Variants in CDK14 observed in about 807,000 individuals in gnomAD.
The protein encoded by CDK14 is cyclin-dependent kinase 14.
In CDK14, 34 loss-of-function variants were observed where a neutral mutation model predicts 60.7. The observed-to-expected ratio is 0.56, with a 90% CI of 0.43 to 0.75. CDK14 has a LOEUF of 0.75. Among genes scored for constraint, CDK14 ranks in the 30% least tolerant of loss-of-function variants. CDK14 has a pLI of 0.00. For synonymous variants in CDK14, 197 were observed against 203.7 expected, an observed-to-expected ratio of 0.97 and a Z score of 0.28; for missense variants, 482 against 564.1, an observed-to-expected ratio of 0.85 and a Z score of 1.47.
At chr7:90,906,351 G>A (rs1792700760) in intron 7 of CDK14, among the ~76,000 whole-genome samples, 1 of 152,046 alleles carries the variant, frequency 6.6e-6, no homozygotes, top group African/African-American at 2.4e-5. Context: ...AGGAAAACCA[G>A]GTGAGATAAG....
At chr7:90,813,919 C>T (rs11771453) in intron 5 of CDK14, among the ~76,000 whole-genome samples, 1 of 152,096 alleles carries the variant, frequency 6.6e-6, no homozygotes, top group East Asian at 1.9e-4. Flanking sequence ...GTAAATTATA[C>T]CTCACCTACA....
Position 90,686,115 on chromosome 7 carries a change from A to C in CDK14, c.124-40452A>C, listed in dbSNP as rs116667788. On this transcript the variant is annotated intron_variant, in intron 2 of 14. Coordinates refer to ENST00000380050, the MANE Select transcript of CDK14 (RefSeq NM_001287135.2). ...TTTAAGATGATATTGTAGCTACTTC[A>C]TAAGAATAATGAGATGATCTTTTAA... 7.0e-3 allele frequency among the ~76,000 whole-genome samples: 1,070 copies of C among 152,292 alleles called. 20 individuals are homozygous for C. Among genetic ancestry groups the C allele is most frequent in the African/African-American group, 0.025 (1,027 of 41,574 alleles).
At chr7:91,183,121 T>C (rs1208402720) in intron 14 of CDK14, among the ~76,000 whole-genome samples, 1 of 129,498 alleles carries the variant, frequency 7.7e-6, no homozygotes, top group Non-Finnish European at 1.9e-5. Flanking sequence ...ATCCTTTCTA[T>C]GGCAAGGAAA....
chr7:91,137,793 A>C (rs1295609795), intron 14 of CDK14, among the ~76,000 whole-genome samples: 1 of 152,122 alleles, frequency 6.6e-6, no homozygotes, highest in African/African-American at 2.4e-5. Context: ...GTTTTAGAGT[A>C]AGAGTCTTTT....
chr7:90,952,296 G>T (rs945427140), intron 8 of CDK14, among the ~76,000 whole-genome samples: 5 of 152,108 alleles, frequency 3.3e-5, no homozygotes, highest in African/African-American at 4.8e-5. Flanking sequence ...GTAGAACCAG[G>T]CTCAGGGTAG....
intron 10 of CDK14, among the ~76,000 whole-genome samples, chr7:91,034,096 C>T (rs1796842329): frequency 6.6e-6 from 1 of 152,136 alleles, no homozygotes; most frequent in Non-Finnish European, 1.5e-5. Flanking sequence ...TAGCAGCCAC[C>T]TGCTTGTTGT....
intron 5 of CDK14, among the ~76,000 whole-genome samples, chr7:90,804,488 C>T (rs1285771589): frequency 4.6e-5 from 7 of 152,156 alleles, no homozygotes; most frequent in African/African-American, 1.7e-4. Flanking sequence ...TTATAATTGA[C>T]AGGCAAAAAT....
chr7:90,662,027 G>T (rs1288001873), intron 2 of CDK14, among the ~76,000 whole-genome samples: 1 of 152,130 alleles, frequency 6.6e-6, no homozygotes, highest in East Asian at 1.9e-4. Context: ...TTTCAACAAA[G>T]GAGTAAGAAA....
intron 11 of CDK14, among the ~76,000 whole-genome samples, chr7:91,053,541 G>A (rs1797452702): frequency 6.6e-6 from 1 of 152,098 alleles, no homozygotes; most frequent in African/African-American, 2.4e-5. Context: ...CTAGGTATGG[G>A]CATATTCTTC....
chr7:91,078,005 C>T (rs889241575), intron 11 of CDK14, among the ~76,000 whole-genome samples: 4 of 152,174 alleles, frequency 2.6e-5, no homozygotes, highest in East Asian at 1.9e-4. Flanking sequence ...AAACTGATAA[C>T]AACCAATGCT....
rs147983086 is a variant in CDK14 at position 90,720,838 on chromosome 7, G to T, written c.124-5729G>T. 4.9e-3 allele frequency among the ~76,000 whole-genome samples: 739 copies of T among 152,142 alleles called. 3 individuals carry two copies. Among genetic ancestry groups the T allele is most frequent in the African/African-American group, 0.016 (663 of 41,518 alleles). ...AATCTTTACAGGACCACAAGTAAAA[G>T]AATTCCTTCTCAGAACAGCCACGGT... On this transcript the variant is annotated intron_variant, in intron 2 of 14. Transcript: ENST00000380050.
intron 2 of CDK14, chr7:90,710,495 C>T (rs1802019932): frequency 2.0e-6 from 2 of 985,158 alleles, no homozygotes; most frequent in Non-Finnish European, 2.4e-6. Flanking sequence ...CCTCCCTGCT[C>T]ATCCTATTTC....
chr7:91,108,408 C>T (rs759799033), intron 12 of CDK14, among the ~76,000 whole-genome samples: 2 of 152,206 alleles, frequency 1.3e-5, no homozygotes, highest in East Asian at 1.9e-4. Context: ...GTTATGTGTT[C>T]TTGAAGTCTA....
chr7:90,856,930 A>G (rs939288643), intron 5 of CDK14, among the ~76,000 whole-genome samples: 3 of 152,136 alleles, frequency 2.0e-5, no homozygotes, highest in Non-Finnish European at 4.4e-5. Flanking sequence ...CTCTGCTGAG[A>G]AAGAACACAT....
chr7:90,864,575 A>G (rs1027734212), intron 6 of CDK14, among the ~76,000 whole-genome samples: 1 of 152,174 alleles, frequency 6.6e-6, no homozygotes, highest in Non-Finnish European at 1.5e-5. Flanking sequence ...ATTAAAAGGA[A>G]GGAAAGTAGC....
intron 4 of CDK14, among the ~76,000 whole-genome samples, chr7:90,753,302 C>G (rs1240503537): frequency 6.6e-6 from 1 of 152,178 alleles, no homozygotes; most frequent in Non-Finnish European, 1.5e-5. Flanking sequence ...ATCAAGTAGG[C>G]TTCATTCCTG....
chr7:90,658,903 G>A (rs367978090), intron 2 of CDK14, among the ~76,000 whole-genome samples: 4 of 152,038 alleles, frequency 2.6e-5, no homozygotes, highest in East Asian at 3.9e-4. Context: ...AAATGCGATT[G>A]GTTCTTCATT....
chr7:90,723,487 C>T (rs1802529482), intron 2 of CDK14, among the ~76,000 whole-genome samples: 1 of 152,082 alleles, frequency 6.6e-6, no homozygotes, highest in African/African-American at 2.4e-5. Context: ...CCGGCTTTCC[C>T]CAGGTCTGGT....
intron 5 of CDK14, among the ~76,000 whole-genome samples, chr7:90,816,023 G>A (rs1789340103): frequency 6.6e-6 from 1 of 151,992 alleles, no homozygotes; most frequent in East Asian, 1.9e-4. Flanking sequence ...ACCATGGCAC[G>A]TGTATGCCTA....
Sources: allele counts gnomAD v4.1 joint callset (sites outside exome capture counted in the v4.1 genomes callset), GRCh38; gene constraint gnomAD v4.1.1; transcripts MANE v1.5; gene names NCBI Gene and HGNC (gene_info 2026-07-23, HGNC 2026-07-21).